HNRNPLL: variants seen among roughly 807,000 people sequenced by gnomAD.
HNRNPLL encodes heterogeneous nuclear ribonucleoprotein L-like.
In HNRNPLL, 25 loss-of-function variants were observed where a neutral mutation model predicts 67.1. The ratio of observed to expected loss-of-function variants is 0.37; its 90% confidence interval spans 0.27 to 0.52. The LOEUF (loss-of-function observed/expected upper bound fraction) is 0.52. Among genes scored for constraint, HNRNPLL ranks in the 20% least tolerant of loss-of-function variants. The pLI is 0.90. For missense variants in HNRNPLL, 542 were observed against 673.9 expected (o/e 0.80, Z 2.17); for synonymous variants, 267 against 241.7 (o/e 1.10, Z -0.97).
intron 1 of HNRNPLL, among the ~76,000 whole-genome samples, chr2:38,599,113 C>T (rs915510048): frequency 6.6e-6 from 1 of 152,176 alleles, no homozygotes; most frequent in Non-Finnish European, 1.5e-5. Flanking sequence ...AATAGTGTAT[C>T]CTGAATTCAA....
rs1466736768 is a variant in HNRNPLL at position 38,582,092 on chromosome 2, G to A, written c.709C>T (p.Leu237=). The change falls in exon 5 of 13, where the codon CTA becomes TTA. Residue 237 remains leucine (L), a synonymous_variant. Transcript: ENST00000449105. ...GADIYAGCCT[L]KIEYARPTRL... ...TTTACCCGTGCATATTCAATTTTTA[G>A]TGTGCAACATCCAGCATATATATCA... 8 of 1,613,410 alleles carry A rather than the reference G, an allele frequency of 5.0e-6. No homozygotes were observed. Among genetic ancestry groups the A allele is most frequent in the Admixed American group, 1.7e-5 (1 of 60,030 alleles).
chr2:38,602,585 C>A lies in HNRNPLL; in HGVS notation c.42G>T (p.Glu14Asp). ...TGGCCTGGCTCTCGTACTCCCGGTC[C>A]TCCTCGTACGTCTCCCTGGGGGAGG... ...SSSSPRETYE[E>D]DREYESQAKR... Residue 14 changes from glutamate to aspartate, a missense_variant, in exon 1 of 13, where the codon GAG (glutamate) becomes GAT (aspartate). By Grantham distance (45) the Glu-to-Asp change is conservative (BLOSUM62 2). This residue lies in a region of HNRNPLL where 127 missense variants were observed against 98.7 expected (regional missense o/e 1.29). Transcript: ENST00000449105. 2 of 1,573,962 alleles carry A rather than the reference C, an allele frequency of 1.3e-6. No homozygotes were observed. Among genetic ancestry groups the A allele is most frequent in the Non-Finnish European group, 1.7e-6 (2 of 1,162,078 alleles).
chr2:38,602,077 C>T (rs1667460657), intron 1 of HNRNPLL: 1 of 265,744 alleles, frequency 3.8e-6, no homozygotes, highest in South Asian at 4.2e-5. Context: ...AACCGGTGGT[C>T]CCGACGCTGG....
At position 38,595,272 on chromosome 2, in the gene HNRNPLL, TAAAAAAAAAA is replaced by T. The variant is rs70954734; in HGVS notation, c.190-3634_190-3625del. 3.1e-4 allele frequency among the ~76,000 whole-genome samples: 21 copies of T among 68,778 alleles called. No homozygotes were observed. The East Asian group carries it at 4.9e-3, about 16-fold the overall frequency. 45.1% of individuals were successfully genotyped at this position (68,778 alleles called of 152,430 possible). A position where few individuals can be genotyped will look rare whatever the true frequency, so the allele number is the denominator to read the frequency against. On this transcript the variant is annotated intron_variant, in intron 1 of 12. Transcript: ENST00000449105. ...CCTGGGTGATGAGCAAGACCTTGTC[TAAAAAAAAAA>T]AAAAAAAAAAAAAAAGAAAAGAAAA...
intron 1 of HNRNPLL, among the ~76,000 whole-genome samples, chr2:38,592,119 T>A (rs1026212104): frequency 6.6e-6 from 1 of 152,218 alleles, no homozygotes; most frequent in Admixed American, 6.5e-5. Context: ...AAAATAAATG[T>A]TTGTTTTAAA....
At chr2:38,596,868 T>TG (rs1273164904) in intron 1 of HNRNPLL, among the ~76,000 whole-genome samples, 2 of 152,122 alleles carry the variant, frequency 1.3e-5, no homozygotes, top group African/African-American at 2.4e-5. Context: ...TACATGCACT[T>TG]TACAAACTTA....
chr2:38,563,093 C>T lies in HNRNPLL; in HGVS notation c.*1089G>A, dbSNP rs539270055. 8.6e-5 allele frequency: 13 copies of T among 151,844 alleles called. No individual in the cohort carries two copies. Among genetic ancestry groups the T allele is most frequent in the South Asian group, 4.2e-4 (2 of 4,818 alleles). The allele number at this position is 151,844 out of a possible 1,614,324, so 9.4% of individuals were successfully genotyped here. The stretch of plus-strand genomic sequence containing the variant: ...AAAAAGCTGTGAACTTGGTAACAAT[C>T]GTGCTATAGTCTCTTAATACCATGT... On this transcript the variant is annotated 3_prime_UTR_variant, in exon 13 of 13. Coordinates refer to ENST00000449105, the MANE Select transcript of HNRNPLL (RefSeq NM_138394.4).
intron 6 of HNRNPLL, 90 bp downstream of exon 6, chr2:38,581,823 T>C: frequency 1.2e-6 from 1 of 832,674 alleles, no homozygotes; most frequent in South Asian, 1.4e-5. Context: ...TCATTTGAAT[T>C]AACTAGCTCA....
intron 1 of HNRNPLL, among the ~76,000 whole-genome samples, chr2:38,598,235 T>G (rs1218126279): frequency 1.3e-5 from 2 of 152,134 alleles, no homozygotes; most frequent in Admixed American, 6.6e-5. Context: ...AAATGCTTGA[T>G]AAGAAGGGAT....
Position 38,568,187 on chromosome 2 carries a change from C to T in HNRNPLL, c.1573+12G>A. 6.5e-7 allele frequency: 1 copy of T among 1,545,332 alleles called. No individual in the cohort carries two copies. The highest frequency in any genetic ancestry group is 1.7e-4 in the Middle Eastern group (1 of 5,920). On this transcript the variant is annotated intron_variant, in intron 12 of 12. Transcript: ENST00000449105. ...CTACATAATTACAACACAAATAAAG[C>T]ATTTTACTTACTCGGCACTCTTATC...
At chr2:38,574,414 G>A (rs1004676974) in intron 7 of HNRNPLL, among the ~76,000 whole-genome samples, 3 of 151,674 alleles carry the variant, frequency 2.0e-5, no homozygotes, top group Admixed American at 6.6e-5. Context: ...CAACATCTAG[G>A]GTACATGCAA....
intron 7 of HNRNPLL, among the ~76,000 whole-genome samples, chr2:38,577,087 T>C (rs1393374684): frequency 6.6e-6 from 1 of 151,912 alleles, no homozygotes; most frequent in Admixed American, 6.6e-5. Flanking sequence ...CTTTCTGCCT[T>C]TATTACTCAA....
intron 6 of HNRNPLL, among the ~76,000 whole-genome samples, chr2:38,580,627 TA>T (rs1666488608): frequency 6.6e-6 from 1 of 152,218 alleles, no homozygotes; most frequent in Non-Finnish European, 1.5e-5. Context: ...ATATTGTAGT[TA>T]AGATGTAGCC....
At position 38,569,305 on chromosome 2, in the gene HNRNPLL, C is replaced by T. The variant is rs746301417; in HGVS notation, c.1244G>A (p.Ser415Asn). 3 of 1,612,168 alleles carry T rather than the reference C, an allele frequency of 1.9e-6. No individual in the cohort carries two copies. Among genetic ancestry groups the T allele is most frequent in the Non-Finnish European group, 2.5e-6 (3 of 1,179,098 alleles). ...CVSKQHSVVPSQIFELEDGTS... is the reference protein window; with the variant it reads ...CVSKQHSVVPNQIFELEDGTS... ...ACCATCCTCCAGCTCAAATATTTGA[C>T]TTGGAACAACTGAATGTTGTTTAGA... Residue 415 changes from serine to asparagine, a missense_variant, in exon 10 of 13, where the codon AGT becomes AAT. By Grantham distance (46) the Ser-to-Asn change is conservative. This residue lies in a region of HNRNPLL where 415 missense variants were observed against 575.2 expected (regional missense o/e 0.72). Coordinates refer to ENST00000449105, the MANE Select transcript of HNRNPLL (RefSeq NM_138394.4).
At chr2:38,570,879 C>CAA (rs796515789) in intron 8 of HNRNPLL, among the ~76,000 whole-genome samples, 2 of 136,958 alleles carry the variant, frequency 1.5e-5, no homozygotes, top group African/African-American at 5.3e-5. Flanking sequence ...CCCATCTCTA[C>CAA]AAAAAAAAAA....
In HNRNPLL at chr2:38,602,528, G is replaced by C; in HGVS notation, c.99C>G (p.Asp33Glu). Residue 33 changes from aspartate (D) to glutamate (E), a missense_variant, in exon 1 of 13, where the codon GAC (aspartate) becomes GAG (glutamate). By Grantham distance (45) the Asp-to-Glu change is conservative. This residue lies in a region of HNRNPLL where 127 missense variants were observed against 98.7 expected (regional missense o/e 1.29). Transcript: ENST00000449105. ...GGTTCTCGCCTTCCTCGGCCGAGTA[G>C]TCGATCTCCCCCTCCTCGGTCTTGA... The part of the protein sequence containing the change: ...KRLKTEEGEI[D>E]YSAEEGENRR... 4 of 1,556,042 alleles carry C rather than the reference G, an allele frequency of 2.6e-6. No homozygotes were observed. Among genetic ancestry groups the C allele is most frequent in the Non-Finnish European group, 3.5e-6 (4 of 1,150,874 alleles).
At chr2:38,566,166 G>A (rs1470929057) in intron 12 of HNRNPLL, 7 of 781,878 alleles carry the variant, frequency 9.0e-6, no homozygotes, top group East Asian at 1.3e-4. Flanking sequence ...CCAGGAGTTC[G>A]AGACCAGCCT....
chr2:38,574,413 G>C (rs1666219001), intron 7 of HNRNPLL, among the ~76,000 whole-genome samples: 1 of 151,908 alleles, frequency 6.6e-6, no homozygotes, highest in East Asian at 1.9e-4. Flanking sequence ...GCAACATCTA[G>C]GGTACATGCA....
chr2:38,571,039 T>G (rs2148341584), intron 8 of HNRNPLL, among the ~76,000 whole-genome samples: 1 of 152,116 alleles, frequency 6.6e-6, no homozygotes, highest in South Asian at 2.1e-4. Context: ...AACAAGACCT[T>G]GTCTCAAAAG....
Sources: gnomAD v4.1 joint callset for allele counts (sites outside exome capture counted in the v4.1 genomes callset) on GRCh38, gnomAD v4.1.1 for gene constraint, gnomAD v4.1.1 regional missense constraint, MANE v1.5 for transcripts, NCBI Gene and HGNC (gene_info 2026-07-23, HGNC 2026-07-21) for gene names.